ECHDC3: variants seen among roughly 807,000 people sequenced by gnomAD.
The protein encoded by ECHDC3 is enoyl-CoA hydratase domain-containing protein 3, mitochondrial.
A neutral mutation model predicts 17.9 loss-of-function variants in ECHDC3; 20 were observed. That is an observed-to-expected ratio of 1.12 (90% CI 0.79 to 1.63). ECHDC3 has a LOEUF of 1.63. Among genes scored for constraint, ECHDC3 ranks in the 40% most tolerant of loss-of-function variants. The pLI is 0.00. For synonymous variants in ECHDC3, 177 were observed against 149.7 expected, an observed-to-expected ratio of 1.18 and a Z score of -1.33; for missense variants, 407 against 357.7, an observed-to-expected ratio of 1.14 and a Z score of -1.11.
intron 3 of ECHDC3, among the ~76,000 whole-genome samples, chr10:11,755,016 A>G (rs543833305): frequency 1.3e-5 from 2 of 152,214 alleles, no homozygotes; most frequent in Non-Finnish European, 2.9e-5. Flanking sequence ...GAAACAGGAA[A>G]GTCATATAAA....
At chr10:11,757,772 C>A (rs2399739) in intron 4 of ECHDC3, among the ~76,000 whole-genome samples, 1 of 152,090 alleles carries the variant, frequency 6.6e-6, no homozygotes, top group African/African-American at 2.4e-5. Flanking sequence ...GGGAATTTTG[C>A]AGGAAGAAAC....
chr10:11,757,113 A>C (rs1462089696), intron 4 of ECHDC3, among the ~76,000 whole-genome samples: 1 of 152,212 alleles, frequency 6.6e-6, no homozygotes, highest in Admixed American at 6.5e-5. Context: ...ACTATCTTAT[A>C]ATGGTGCAAA....
At chr10:11,746,637 T>A (rs1321334645) in intron 1 of ECHDC3, among the ~76,000 whole-genome samples, 1 of 151,868 alleles carries the variant, frequency 6.6e-6, no homozygotes, top group African/African-American at 2.4e-5. Context: ...CCCACAAAAA[T>A]TAAATATAAA....
At chr10:11,749,114 C>T (rs1873733) in intron 2 of ECHDC3, among the ~76,000 whole-genome samples, 137,037 of 152,218 alleles carry the variant, frequency 0.9, 63,512 homozygotes, top group East Asian at 1. Context: ...ACACTGCCTT[C>T]GGCATGGGGG....
At chr10:11,758,688 C>T (rs187499291) in intron 4 of ECHDC3, among the ~76,000 whole-genome samples, 29 of 152,342 alleles carry the variant, frequency 1.9e-4, no homozygotes, top group Non-Finnish European at 3.7e-4. Flanking sequence ...GTCCTGTGTC[C>T]GGCCAGTGAG....
chr10:11,758,847 CTCTT>C (rs1429471477), intron 4 of ECHDC3, among the ~76,000 whole-genome samples: 1 of 152,232 alleles, frequency 6.6e-6, no homozygotes, highest in East Asian at 1.9e-4. Flanking sequence ...TCAGGCCTGA[CTCTT>C]TCCGTAGTGC....
chr10:11,742,899 C>A, intron 1 of ECHDC3, 153 bp downstream of exon 1: 1 of 903,036 alleles, frequency 1.1e-6, no homozygotes, highest in Non-Finnish European at 1.5e-6. Flanking sequence ...GGCAGCGAGA[C>A]GCGCAGGTGG....
In ECHDC3 at chr10:11,755,618, C is replaced by A; in HGVS notation, c.591+10C>A. 6.2e-7 allele frequency: 1 copy of A among 1,605,902 alleles called. No individual in the cohort carries two copies. The highest frequency in any genetic ancestry group is 1.1e-5 in the South Asian group (1 of 89,960). ...AGCAGTGCCTAGAAAGGTAATTTAA[C>A]TCCCCCCACCCACCTCTGCCTCCCA... On this transcript the variant is annotated intron_variant, in intron 4 of 4. Coordinates refer to ENST00000379215, the MANE Select transcript of ECHDC3 (RefSeq NM_024693.5).
chr10:11,760,658 C>T (rs1832938886), intron 4 of ECHDC3, among the ~76,000 whole-genome samples: 1 of 152,176 alleles, frequency 6.6e-6, no homozygotes, highest in Non-Finnish European at 1.5e-5. Flanking sequence ...CTGAGTTCCC[C>T]AAGAGCCGCC....
intron 3 of ECHDC3, among the ~76,000 whole-genome samples, chr10:11,753,462 C>T (rs1022418162): frequency 2.0e-5 from 3 of 152,074 alleles, no homozygotes; most frequent in African/African-American, 7.2e-5. Context: ...TTTATGAAAT[C>T]CTAGCCATTC....
intron 1 of ECHDC3, among the ~76,000 whole-genome samples, chr10:11,743,951 A>G (rs987322089): frequency 8.5e-5 from 13 of 152,252 alleles, no homozygotes; most frequent in Admixed American, 2.6e-4. Context: ...TTTGTTTAGT[A>G]GGAAAGGAAA....
At chr10:11,760,921 A>T (rs1341507806) in intron 4 of ECHDC3, among the ~76,000 whole-genome samples, 1 of 152,242 alleles carries the variant, frequency 6.6e-6, no homozygotes, top group Non-Finnish European at 1.5e-5. Flanking sequence ...GGTCAACTAA[A>T]AATGGTCTGC....
intron 4 of ECHDC3, among the ~76,000 whole-genome samples, chr10:11,761,244 T>C (rs1832947283): frequency 6.6e-6 from 1 of 152,206 alleles, no homozygotes; most frequent in Admixed American, 6.5e-5. Context: ...CCCAGGGATA[T>C]GTGGCGATAC....
In ECHDC3 at chr10:11,763,905, A is replaced by G. The variant is rs1832983819; in HGVS notation, c.*361A>G. 1 of 1,037,626 alleles carries G rather than the reference A, an allele frequency of 9.6e-7. No homozygotes were observed. The highest frequency in any genetic ancestry group is 1.2e-6 in the Non-Finnish European group (1 of 863,616). The allele number at this position is 1,037,626 out of a possible 1,614,324, so 64.3% of individuals were successfully genotyped here. A position where few individuals can be genotyped will look rare whatever the true frequency, so the allele number is the denominator to read the frequency against. On this transcript the variant is annotated 3_prime_UTR_variant, in exon 5 of 5. Coordinates refer to ENST00000379215, the MANE Select transcript of ECHDC3 (RefSeq NM_024693.5). This position sits in a 1 kb window ranked among gnomAD's most constrained non-coding sequence, Gnocchi z 4.9. ...GACGCCAGCCTGACCCTTATCTGAAACGTCCTAAGCAGAGTTAATCCTGGC... is the reference window on the plus strand; with the variant it reads ...GACGCCAGCCTGACCCTTATCTGAAGCGTCCTAAGCAGAGTTAATCCTGGC...
intron 3 of ECHDC3, among the ~76,000 whole-genome samples, chr10:11,753,133 C>T (rs978008674): frequency 8.5e-5 from 13 of 152,262 alleles, no homozygotes; most frequent in Admixed American, 2.6e-4. Flanking sequence ...GTAATCCCAG[C>T]GCTTTGGGAG....
chr10:11,757,669 G>A (rs538710245), intron 4 of ECHDC3, among the ~76,000 whole-genome samples: 8 of 152,242 alleles, frequency 5.3e-5, no homozygotes, highest in African/African-American at 7.2e-5. Context: ...GCCCTTGCAC[G>A]CTGGGCTTAT....
intron 1 of ECHDC3, among the ~76,000 whole-genome samples, chr10:11,744,423 T>C (rs944712584): frequency 6.6e-6 from 1 of 151,552 alleles, no homozygotes; most frequent in Admixed American, 6.5e-5. Context: ...TCAACAGATA[T>C]TGAGTGTCTT....
rs1396639709 is a variant in ECHDC3, at chr10:11,742,630, C to A, written c.54C>A (p.Leu18=). The change falls in exon 1 of 5, where the codon CTC becomes CTA. Residue 18 remains leucine, a synonymous_variant. Transcript: ENST00000379215. The stretch of plus-strand genomic sequence containing the variant: ...TCGGGGCAAGTGGGCCCATGTGTCT[C>A]CGGCGCGGCCCCTGGGCCCAGCTCC... ...RAFGASGPMC[L]RRGPWAQLPA... is the part of the protein sequence containing the mutation. 12 of 1,279,550 alleles carry A rather than the reference C, an allele frequency of 9.4e-6. No individual in the cohort carries two copies. The highest frequency in any genetic ancestry group is 1.2e-5 in the Non-Finnish European group (12 of 1,014,114). The allele number at this position is 1,279,550 out of a possible 1,614,324, so 79.3% of individuals were successfully genotyped here.
At chr10:11,754,818 G>A (rs1205476769) in intron 3 of ECHDC3, among the ~76,000 whole-genome samples, 1 of 152,230 alleles carries the variant, frequency 6.6e-6, no homozygotes, top group Non-Finnish European at 1.5e-5. Context: ...GCCACCCCCT[G>A]CGGCAGCCCC....
Sources: allele counts gnomAD v4.1 joint callset (sites outside exome capture counted in the v4.1 genomes callset), GRCh38; gene constraint gnomAD v4.1.1; non-coding constraint Gnocchi (gnomAD v3.1); transcripts MANE v1.5; gene names NCBI Gene and HGNC (gene_info 2026-07-23, HGNC 2026-07-21).